Variants in HSPH1 observed in about 807,000 individuals in gnomAD.
HSPH1 encodes heat shock protein 105 kDa.
A neutral mutation model predicts 100.0 loss-of-function variants in HSPH1; 40 were observed. That is an observed-to-expected ratio of 0.40 (90% confidence interval 0.31 to 0.52). The LOEUF (loss-of-function observed/expected upper bound fraction) is 0.52. HSPH1 is among the 20% of genes least tolerant of loss of function. HSPH1 has a pLI of 0.54. For missense variants in HSPH1, 876 were observed against 1,015.1 expected (o/e 0.86, Z 1.86); for synonymous variants, 403 against 344.0 (o/e 1.17, Z -1.90).
chr13:31,142,445 T>C (rs780369957), intron 12 of HSPH1, among the ~76,000 whole-genome samples: 1 of 151,986 alleles, frequency 6.6e-6, no homozygotes, highest in Admixed American at 6.6e-5. Flanking sequence ...AATCCTTCAA[T>C]ACATTATGCA....
At chr13:31,142,362 A>C (rs189570727) in intron 12 of HSPH1, among the ~76,000 whole-genome samples, 14 of 152,202 alleles carry the variant, frequency 9.2e-5, no homozygotes, top group Admixed American at 7.9e-4. Context: ...AAGTGCCATA[A>C]GCTGTATCAC....
In HSPH1 at chr13:31,150,893, G is replaced by A. The variant is rs1956463111; in HGVS notation, c.908+54C>T. On this transcript the variant is annotated intron_variant, in intron 7 of 17. Coordinates refer to ENST00000320027, the MANE Select transcript of HSPH1 (RefSeq NM_006644.4). Reference sequence around the variant, plus strand: ...AACACCCACTAGAACTGACACCTGGGCTACAGTTTCAAAAGAAGTTCCATC... The same window carrying A: ...AACACCCACTAGAACTGACACCTGGACTACAGTTTCAAAAGAAGTTCCATC... 4 of 1,542,292 alleles carry A rather than the reference G, an allele frequency of 2.6e-6. No individual in the cohort carries two copies. In the Admixed American group the frequency reaches 5.8e-5, roughly 22 times the overall value.
In HSPH1 at chr13:31,150,196, A is replaced by C; in HGVS notation, c.909-14T>G. 1 of 1,541,756 alleles carries C rather than the reference A, an allele frequency of 6.5e-7. No individual in the cohort carries two copies. The highest frequency in any genetic ancestry group is 8.8e-7 in the Non-Finnish European group (1 of 1,140,972). ...TCAAATTGTGACCTTAGCAAATAAA[A>C]ACTTGTTTTTAGAAAAGTTAAGACC... On this transcript the variant is annotated splice_polypyrimidine_tract_variant and intron_variant, in intron 7 of 17. Coordinates refer to ENST00000320027, the MANE Select transcript of HSPH1 (RefSeq NM_006644.4).
Position 31,136,906 on chromosome 13 carries a change from A to G in HSPH1, c.*412T>C, listed in dbSNP as rs573881591. ...TGAAGTCAGACTTAGTCTTGTTTAT[A>G]AACATCCACACCCACACACATGCTG... On this transcript the variant is annotated 3_prime_UTR_variant, in exon 18 of 18. Transcript: ENST00000320027. 24 of 220,472 alleles carry G rather than the reference A, an allele frequency of 1.1e-4. No homozygotes were observed. Among genetic ancestry groups the G allele is most frequent in the Non-Finnish European group, 2.1e-4 (21 of 100,158 alleles). The allele number at this position is 220,472 out of a possible 1,614,324, so 13.7% of individuals were successfully genotyped here.
rs145924909 is a variant in HSPH1 at position 31,139,850 on chromosome 13, C to A, written c.1980+334G>T. ...TTATGAGATGAAACAATGACAGGAA[C>A]GCTACCAAGGCAGCAGTGTCACCGC... On this transcript the variant is annotated intron_variant, in intron 14 of 17. Coordinates refer to ENST00000320027, the MANE Select transcript of HSPH1 (RefSeq NM_006644.4). Among the ~76,000 whole-genome samples, 116 of 152,042 alleles carry A rather than the reference C, an allele frequency of 7.6e-4. 2 individuals carry two copies. Among genetic ancestry groups the A allele is most frequent in the East Asian group, 7.3e-3 (38 of 5,178 alleles).
chr13:31,140,571 A>AAT (rs57580719), intron 13 of HSPH1: 3 of 275,952 alleles, frequency 1.1e-5, no homozygotes, highest in Non-Finnish European at 1.4e-5. Context: ...AAAAAAAAAA[A>AAT]TCAAGCTACT....
At chr13:31,158,979 G>T (rs1272218670) in intron 1 of HSPH1, 116 bp from the exon 2 acceptor site, 5 of 671,966 alleles carry the variant, frequency 7.4e-6, no homozygotes, top group Non-Finnish European at 1.3e-5. Context: ...AACAAGCATA[G>T]CACAATTTTA....
chr13:31,147,683 A>G (rs755240933), intron 10 of HSPH1, among the ~76,000 whole-genome samples: 8 of 152,112 alleles, frequency 5.3e-5, no homozygotes, highest in African/African-American at 1.7e-4. Context: ...TGAAAATATT[A>G]AAGTGTTCAT....
intron 9 of HSPH1, 86 bp from the exon 10 acceptor site, chr13:31,148,178 A>C (rs1029220334): frequency 1.2e-5 from 17 of 1,364,148 alleles, no homozygotes; most frequent in Non-Finnish European, 1.6e-5. Flanking sequence ...AGGCTTTCTA[A>C]AATCTTTATC....
At chr13:31,162,377 T>A (rs193070416), upstream of HSPH1, 8 of 520,940 alleles carry the variant, frequency 1.5e-5, no homozygotes, top group East Asian at 2.4e-4. Context: ...GTAGTCCCGC[T>A]GGGAGAAGTG....
At position 31,144,108 on chromosome 13, in the gene HSPH1, T is replaced by TA. The variant is rs545410018; in HGVS notation, c.1585-186dup. Among the ~76,000 whole-genome samples the TA allele has an allele frequency of 1.2e-4, 18 of 152,198 alleles. No homozygotes were observed. The South Asian group carries it at 3.1e-3, about 26-fold the overall frequency. ...AACTTCTGTAGAAATTCTAAACCTG[T>TA]AAAAAAATTCTTTGAATGACAGTAG... is the stretch of plus-strand genomic sequence containing the variant. On this transcript the variant is annotated intron_variant, in intron 11 of 17. Coordinates refer to ENST00000320027, the MANE Select transcript of HSPH1 (RefSeq NM_006644.4).
intron 4 of HSPH1, among the ~76,000 whole-genome samples, chr13:31,153,821 GA>G (rs113691420): frequency 1.8e-5 from 2 of 108,640 alleles, no homozygotes; most frequent in African/African-American, 6.9e-5. Flanking sequence ...CTCACCAGGG[GA>G]AAAAAAATGT....
At chr13:31,141,460 G>T (rs1956087162) in intron 12 of HSPH1, among the ~76,000 whole-genome samples, 1 of 151,862 alleles carries the variant, frequency 6.6e-6, no homozygotes, top group Non-Finnish European at 1.5e-5. Context: ...CTTCCTTCAG[G>T]AATTCACTGG....
intron 14 of HSPH1, among the ~76,000 whole-genome samples, chr13:31,139,898 G>A (rs1434420351): frequency 6.6e-6 from 1 of 151,978 alleles, no homozygotes; most frequent in Non-Finnish European, 1.5e-5. Context: ...TAAAAGCGAA[G>A]ATTTTTCTCG....
chr13:31,148,157 A>T, intron 9 of HSPH1, 65 bp from the exon 10 acceptor site: 1 of 1,478,044 alleles, frequency 6.8e-7, no homozygotes, highest in Non-Finnish European at 9.2e-7. Flanking sequence ...TGTGCTACAC[A>T]AACAGAAAAG....
chr13:31,145,819 G>C, intron 10 of HSPH1, 51 bp from the exon 11 acceptor site: 2 of 1,553,368 alleles, frequency 1.3e-6, no homozygotes, highest in Non-Finnish European at 1.8e-6. Context: ...TTAGAATTAA[G>C]TCTAAATCTC....
intron 2 of HSPH1, among the ~76,000 whole-genome samples, chr13:31,156,226 T>C (rs955323202): frequency 6.6e-6 from 1 of 151,984 alleles, no homozygotes. Flanking sequence ...CCGTCTCTAC[T>C]AAAAATACAA....
rs565714577 is a variant in HSPH1 at position 31,141,167 on chromosome 13, G to T, written c.1809C>A (p.Val603=). 1.9e-6 allele frequency: 3 copies of T among 1,608,534 alleles called. No individual in the cohort carries two copies. The South Asian group carries it at 3.3e-5, about 18-fold the overall frequency. ...TAAGAAGGTCTTTCCCTAACTGCCA[G>T]ACCAAGTTGGCTTCAATAGGCAGCT... The part of the protein sequence containing the change: ...NVELPIEANL[V]WQLGKDLLNM... The change falls in exon 13 of 18, where the codon GTC becomes GTA. Residue 603 remains valine (V), a synonymous_variant. Transcript: ENST00000320027.
At chr13:31,159,195 C>G (rs1956808791) in intron 1 of HSPH1, among the ~76,000 whole-genome samples, 1 of 152,212 alleles carries the variant, frequency 6.6e-6, no homozygotes, top group African/African-American at 2.4e-5. Flanking sequence ...CTACACACGA[C>G]TAACAAAAAA....
Sources: gnomAD v4.1 joint callset for allele counts (sites outside exome capture counted in the v4.1 genomes callset) on GRCh38, gnomAD v4.1.1 for gene constraint, MANE v1.5 for transcripts, NCBI Gene and HGNC (gene_info 2026-07-23, HGNC 2026-07-21) for gene names.